Variants in CTSC observed in about 807,000 individuals in gnomAD.
CTSC encodes cathepsin C.
A neutral mutation model predicts 40.9 loss-of-function variants in CTSC; 37 were observed. The observed-to-expected ratio is 0.91, with a 90% confidence interval of 0.70 to 1.19. The LOEUF (loss-of-function observed/expected upper bound fraction) is 1.19, where lower values mean the gene tolerates loss of function less well. Among genes scored for constraint, CTSC ranks in the 50% most tolerant of loss-of-function variants. The pLI, the probability that CTSC is intolerant of heterozygous loss-of-function variation, is 0.00. For missense variants in CTSC, 594 were observed against 567.3 expected (o/e 1.05, Z -0.48); for synonymous variants, 232 against 207.4 (o/e 1.12, Z -1.02).
intron 2 of CTSC, among the ~76,000 whole-genome samples, chr11:88,316,866 T>C (rs1352536225): frequency 6.6e-6 from 1 of 152,208 alleles, no homozygotes; most frequent in African/African-American, 2.4e-5. Flanking sequence ...AATGTTCCTC[T>C]CCAAAGCTGC....
In CTSC at chr11:88,294,052, G is replaced by A. The variant is rs1248449287; in HGVS notation, c.1346C>T (p.Ala449Val). Residue 449 changes from alanine (A) to valine (V), a missense_variant, in exon 7 of 7, where the codon GCA becomes GTA. Coordinates refer to ENST00000227266, the MANE Select transcript of CTSC (RefSeq NM_001814.6). ...FRIRRGTDECAIESIAVAATP... is the reference protein window; with the variant it reads ...FRIRRGTDECVIESIAVAATP... The stretch of plus-strand genomic sequence containing the variant: ...GGCTGCCACTGCTATGCTCTCAATT[G>A]CACACTCATCAGTTCCTCTGCGGAT... 1.2e-5 allele frequency: 20 copies of A among 1,613,784 alleles called. No individual in the cohort carries two copies. The highest frequency in any genetic ancestry group is 2.7e-5 in the African/African-American group (2 of 74,834).
chr11:88,302,342 G>A (rs950069571), intron 4 of CTSC, among the ~76,000 whole-genome samples: 16 of 152,210 alleles, frequency 1.1e-4, no homozygotes, highest in African/African-American at 3.1e-4. Flanking sequence ...TACATGACAA[G>A]GGGCCAGGCG....
chr11:88,323,925 T>C (rs1938104439), intron 2 of CTSC: 1 of 152,114 alleles, frequency 6.6e-6, no homozygotes. Flanking sequence ...TTAAAATTCA[T>C]ATAGAACCAA....
At chr11:88,302,839 G>A (rs886286965) in intron 4 of CTSC, among the ~76,000 whole-genome samples, 11 of 151,404 alleles carry the variant, frequency 7.3e-5, no homozygotes, top group African/African-American at 2.4e-4. Context: ...AATATGAGAT[G>A]GTCATTAACA....
chr11:88,309,062 T>A, intron 4 of CTSC, 101 bp downstream of exon 4: 1 of 990,676 alleles, frequency 1.0e-6, no homozygotes, highest in Non-Finnish European at 1.6e-6. Flanking sequence ...ACAACTGGGA[T>A]GACCAATAAA....
At chr11:88,300,474 C>G (rs1051395412) in intron 5 of CTSC, 56 bp downstream of exon 5, 4 of 1,056,062 alleles carry the variant, frequency 3.8e-6, no homozygotes, top group African/African-American at 1.6e-5. Context: ...CACAGAGCAA[C>G]TGTTCAATAA....
intron 4 of CTSC, among the ~76,000 whole-genome samples, chr11:88,300,855 C>A (rs1219294465): frequency 6.6e-6 from 1 of 151,798 alleles, no homozygotes; most frequent in Non-Finnish European, 1.5e-5. Context: ...TTTTCAGGAT[C>A]TAGTATTGAT....
In CTSC at chr11:88,296,448, T is replaced by A. The variant is rs1026247377; in HGVS notation, c.758-184A>T. On this transcript the variant is annotated intron_variant, in intron 5 of 6. Coordinates refer to ENST00000227266, the MANE Select transcript of CTSC (RefSeq NM_001814.6). ...AGCTTATTAAGGCAATCATTAAGATTTCATCCTTTTTCATCAAAAGGCAAA... is the reference window on the plus strand; with the variant it reads ...AGCTTATTAAGGCAATCATTAAGATATCATCCTTTTTCATCAAAAGGCAAA... 7.7e-6 allele frequency: 5 copies of A among 647,154 alleles called. No homozygotes were observed. In the Admixed American group the frequency reaches 1.3e-4, roughly 17 times the overall value. The allele number at this position is 647,154 out of a possible 1,614,324, so 40.1% of individuals were successfully genotyped here.
chr11:88,328,188 AG>A, intron 2 of CTSC: 1 of 1,610,932 alleles, frequency 6.2e-7, no homozygotes, highest in Non-Finnish European at 8.5e-7. Flanking sequence ...TGATAAAATC[AG>A]TGACATCCTA....
intron 2 of CTSC, among the ~76,000 whole-genome samples, chr11:88,318,956 C>G (rs1242446359): frequency 6.6e-6 from 1 of 152,110 alleles, no homozygotes; most frequent in Non-Finnish European, 1.5e-5. Flanking sequence ...AAAACTTCCA[C>G]TATTATTTAA....
Position 88,296,122 on chromosome 11 carries a change from G to T in CTSC, c.889+11C>A. 6.2e-7 allele frequency: 1 copy of T among 1,613,536 alleles called. No individual in the cohort carries two copies. Among genetic ancestry groups the T allele is most frequent in the Non-Finnish European group, 8.5e-7 (1 of 1,179,574 alleles). On this transcript the variant is annotated intron_variant, in intron 6 of 6. Transcript: ENST00000227266. ...ATAGCTCATAAATGGTGTCTGAAAT[G>T]CAACACTTACCTTGAGCATACTGGC...
At position 88,337,729 on chromosome 11, in the gene CTSC, C is replaced by A. The variant is rs186343021; in HGVS notation, c.-57G>T. The A allele has an allele frequency of 1.9e-4, 293 of 1,544,038 alleles. No homozygotes were observed. Among genetic ancestry groups the A allele is most frequent in the African/African-American group, 9.3e-4 (68 of 73,078 alleles). ...TTACCAGGAAGCCGAGCGCTGCGGGCTAGCGGTGAGTCCACCACGAGGCGC... is the reference window on the plus strand; with the variant it reads ...TTACCAGGAAGCCGAGCGCTGCGGGATAGCGGTGAGTCCACCACGAGGCGC... On this transcript the variant is annotated 5_prime_UTR_variant, in exon 1 of 7. Coordinates refer to ENST00000227266, the MANE Select transcript of CTSC (RefSeq NM_001814.6).
rs1201131049 is a variant in CTSC at position 88,294,004 on chromosome 11, C to T, written c.*2G>A. On this transcript the variant is annotated 3_prime_UTR_variant, in exon 7 of 7. Coordinates refer to ENST00000227266, the MANE Select transcript of CTSC (RefSeq NM_001814.6). Reference sequence around the variant, plus strand: ...TCATTATGAAATACTGGAAGGCATACCCTACAATTTAGGAATTGGTGTGGC... The same window carrying T: ...TCATTATGAAATACTGGAAGGCATATCCTACAATTTAGGAATTGGTGTGGC... 1 of 1,613,848 alleles carries T rather than the reference C, an allele frequency of 6.2e-7. No homozygotes were observed. Among genetic ancestry groups the T allele is most frequent in the Non-Finnish European group, 8.5e-7 (1 of 1,179,968 alleles).
chr11:88,322,385 A>G (rs182743122), intron 2 of CTSC: 1 of 152,264 alleles, frequency 6.6e-6, no homozygotes, highest in Admixed American at 6.5e-5. Flanking sequence ...TGGGTTTTAC[A>G]TTTAAGTCTT....
intron 2 of CTSC, chr11:88,324,844 A>G: frequency 1.0e-6 from 1 of 985,386 alleles, no homozygotes. Context: ...GAGATAGATA[A>G]AAGTTTCCAG....
chr11:88,321,068 T>C (rs1003929831), intron 2 of CTSC: 20 of 981,684 alleles, frequency 2.0e-5, no homozygotes, highest in Non-Finnish European at 2.4e-5. Context: ...TAAAAGCATG[T>C]TGATGCAAAA....
rs1938445505 is a variant in CTSC, at chr11:88,334,808, T to C, written c.318+129A>G. On this transcript the variant is annotated intron_variant, in intron 2 of 6. Transcript: ENST00000227266. ...AAAATTATACCAACTACTACTACTC[T>C]TGGGAAGAGTGGTGTCAATTCCGGT... 8 of 723,934 alleles carry C rather than the reference T, an allele frequency of 1.1e-5. No individual in the cohort carries two copies. The South Asian group carries it at 1.3e-4, about 11-fold the overall frequency. 44.8% of individuals were successfully genotyped at this position (723,934 alleles called of 1,614,324 possible). A position where few individuals can be genotyped will look rare whatever the true frequency, so the allele number is the denominator to read the frequency against.
intron 2 of CTSC, among the ~76,000 whole-genome samples, chr11:88,317,146 T>G (rs1216593047): frequency 3.3e-5 from 5 of 152,176 alleles, no homozygotes; most frequent in Non-Finnish European, 1.5e-5. Flanking sequence ...TTTGTATTTT[T>G]AGTAGAGACA....
rs781383788 is a variant in CTSC, at chr11:88,334,933, T to C, written c.318+4A>G. 8.1e-6 allele frequency: 13 copies of C among 1,607,060 alleles called. No homozygotes were observed. Among genetic ancestry groups the C allele is most frequent in the Non-Finnish European group, 1.0e-5 (12 of 1,173,858 alleles). ...ATGTAAATCCAACTTCCAACAAAAC[T>C]AACCTTAAAAAAGGCAAACCACTTG... On this transcript the variant is annotated splice_donor_region_variant and intron_variant, in intron 2 of 6. Coordinates refer to ENST00000227266, the MANE Select transcript of CTSC (RefSeq NM_001814.6).
Sources: gnomAD v4.1 joint callset for allele counts (sites outside exome capture counted in the v4.1 genomes callset) on GRCh38, gnomAD v4.1.1 for gene constraint, MANE v1.5 for transcripts, NCBI Gene and HGNC (gene_info 2026-07-23, HGNC 2026-07-21) for gene names.